TBC1D5: variants seen among roughly 807,000 people sequenced by gnomAD.
TBC1D5 encodes the protein TBC1 domain family member 5.
Under a neutral mutation model 100.3 loss-of-function variants are expected in TBC1D5, and 75 were observed. The observed-to-expected ratio is 0.75, with a 90% CI of 0.62 to 0.91. The LOEUF (loss-of-function observed/expected upper bound fraction) is 0.91, where lower values mean the gene tolerates loss of function less well. TBC1D5 is among the 40% of genes least tolerant of loss of function. The pLI is 0.00. For synonymous variants in TBC1D5, 323 were observed against 325.6 expected, an observed-to-expected ratio of 0.99 and a Z score of 0.09; for missense variants, 910 against 942.4, an observed-to-expected ratio of 0.97 and a Z score of 0.45.
chr3:17,604,134 G>GT (rs1485666530), intron 2 of TBC1D5, among the ~76,000 whole-genome samples: 7 of 151,600 alleles, frequency 4.6e-5, no homozygotes, highest in African/African-American at 7.3e-5. Flanking sequence ...GTTTTGTTTT[G>GT]TTTTTTGTAG....
chr3:17,214,327 ACT>A lies in TBC1D5; in HGVS notation c.1630_1631del (p.Ser544PhefsTer17), dbSNP rs749724122. The A allele has an allele frequency of 6.2e-7, 1 of 1,613,154 alleles. No individual in the cohort carries two copies. The highest frequency in any genetic ancestry group is 2.2e-5 in the East Asian group (1 of 44,794). Reference sequence around the variant, plus strand: ...CAGTGAATTCTCTTCCTCCAGGCAAACTCTCAACGCTTGGAGATGAACTGATG... The same window carrying A: ...CAGTGAATTCTCTTCCTCCAGGCAAACTCAACGCTTGGAGATGAACTGATG... On this transcript the variant is annotated frameshift_variant, in exon 18 of 22. Transcript: ENST00000253692. LOFTEE classifies it high-confidence loss of function.
chr3:17,613,356 G>A (rs1413450046), intron 2 of TBC1D5, among the ~76,000 whole-genome samples: 1 of 152,162 alleles, frequency 6.6e-6, no homozygotes, highest in African/African-American at 2.4e-5. Context: ...ACGTGTCTAT[G>A]TTTCTTTATA....
chr3:17,167,549 A>G (rs994990764), intron 20 of TBC1D5, among the ~76,000 whole-genome samples, 200 bp downstream of exon 21: 1 of 152,236 alleles, frequency 6.6e-6, no homozygotes, highest in African/African-American at 2.4e-5. Flanking sequence ...ATGGAAAACC[A>G]GCGTGGGTCG....
intron 3 of TBC1D5, among the ~76,000 whole-genome samples, chr3:17,439,989 G>A (rs1164050121): frequency 6.6e-6 from 1 of 152,108 alleles, no homozygotes; most frequent in East Asian, 1.9e-4. Context: ...AGATGTAATA[G>A]TTCTTCCAGC....
chr3:17,663,810 G>A (rs969758937), intron 1 of TBC1D5, among the ~76,000 whole-genome samples: 5 of 152,042 alleles, frequency 3.3e-5, no homozygotes, highest in Admixed American at 6.6e-5. Context: ...ATGGGAACTG[G>A]TTAAAAAATA....
exon 15 of TBC1D5, chr3:17,291,937 T>G (rs750247140): frequency 6.2e-7 from 1 of 1,613,826 alleles, no homozygotes; most frequent in African/African-American, 1.3e-5. Flanking sequence ...TCAGTGAGTG[T>G]ACATCCCCGA....
intron 4 of TBC1D5, among the ~76,000 whole-genome samples, chr3:17,419,399 A>G (rs955054410): frequency 1.3e-5 from 2 of 152,198 alleles, no homozygotes; most frequent in African/African-American, 4.8e-5. Context: ...TATGGTTCCC[A>G]AGGCCTGCAT....
intron 9 of TBC1D5, among the ~76,000 whole-genome samples, chr3:17,380,391 C>A (rs993277279): frequency 6.6e-6 from 1 of 151,536 alleles, no homozygotes; most frequent in Admixed American, 6.6e-5. Context: ...GTTTTGCTAT[C>A]AATTCTAGAC....
chr3:17,188,379 G>C (rs1559376044), intron 18 of TBC1D5, among the ~76,000 whole-genome samples: 1 of 152,140 alleles, frequency 6.6e-6, no homozygotes, highest in African/African-American at 2.4e-5. Context: ...AACAGAATCT[G>C]TTTGTCTCAA....
At chr3:17,458,318 T>G (rs1416368035) in intron 3 of TBC1D5, among the ~76,000 whole-genome samples, 2 of 152,182 alleles carry the variant, frequency 1.3e-5, no homozygotes, top group Non-Finnish European at 2.9e-5. Context: ...GAATGGTAAT[T>G]GTTGCAGCGC....
At chr3:17,407,898 TATTA>T (rs1277343535) in intron 4 of TBC1D5, among the ~76,000 whole-genome samples, 2 of 152,182 alleles carry the variant, frequency 1.3e-5, no homozygotes, top group African/African-American at 4.8e-5. Context: ...CTCATCACTC[TATTA>T]GTTTAAAAAA....
At chr3:17,369,755 T>G (rs553275659) in intron 13 of TBC1D5, among the ~76,000 whole-genome samples, 1 of 152,282 alleles carries the variant, frequency 6.6e-6, no homozygotes, top group South Asian at 2.1e-4. Context: ...ATTCAAGCAC[T>G]CTGGCCTTTC....
At chr3:17,612,577 C>G (rs1181063274) in intron 2 of TBC1D5, among the ~76,000 whole-genome samples, 3 of 151,880 alleles carry the variant, frequency 2.0e-5, no homozygotes, top group Non-Finnish European at 4.4e-5. Flanking sequence ...TAGCAGTGAG[C>G]CGAGATCGCA....
chr3:17,719,097 C>T lies in TBC1D5; in HGVS notation c.-101+20246G>A, dbSNP rs541377734. On this transcript the variant is annotated intron_variant, in intron 1 of 21. Coordinates refer to ENST00000253692, the Ensembl canonical transcript of TBC1D5. ...TTCCACCAAAGTTTTCATTGATCCTCTCAATACTGCAATAATTTATAGTTT... is the reference window on the plus strand; with the variant it reads ...TTCCACCAAAGTTTTCATTGATCCTTTCAATACTGCAATAATTTATAGTTT... 1.1e-4 allele frequency among the ~76,000 whole-genome samples: 17 copies of T among 152,200 alleles called. No homozygotes were observed. The East Asian group carries it at 2.9e-3, about 26-fold the overall frequency.
rs190100579 is a variant in TBC1D5, at chr3:17,610,690, T to C, written c.-36+13159A>G. On this transcript the variant is annotated intron_variant, in intron 2 of 21. Transcript: ENST00000253692. ...ATAAATACAGACATATAAATCATGA[T>C]GTTTCTTCTAGCAGAAAGTCGCTCC... 1.0e-3 allele frequency among the ~76,000 whole-genome samples: 154 copies of C among 152,320 alleles called. 2 individuals carry two copies. In the South Asian group the frequency reaches 0.018, roughly 18 times the overall value.
intron 2 of TBC1D5, among the ~76,000 whole-genome samples, chr3:17,565,313 C>T (rs576291168): frequency 6.6e-6 from 1 of 152,122 alleles, no homozygotes; most frequent in Non-Finnish European, 1.5e-5. Flanking sequence ...TAATTATGTT[C>T]GTTGAAAGCA....
At chr3:17,499,452 A>C (rs1292925397) in intron 3 of TBC1D5, among the ~76,000 whole-genome samples, 1 of 135,292 alleles carries the variant, frequency 7.4e-6, no homozygotes, top group Non-Finnish European at 1.5e-5. Flanking sequence ...TCACACCTGT[A>C]ATCTCAGCAC....
chr3:17,522,131 CTTAAAATA>C (rs1362511597), intron 2 of TBC1D5, among the ~76,000 whole-genome samples: 1 of 151,884 alleles, frequency 6.6e-6, no homozygotes, highest in African/African-American at 2.4e-5. Flanking sequence ...ATGATAGTCA[CTTAAAATA>C]TTAAAATATT....
chr3:17,236,323 C>G (rs1413345020), intron 17 of TBC1D5, among the ~76,000 whole-genome samples: 1 of 152,076 alleles, frequency 6.6e-6, no homozygotes, highest in East Asian at 1.9e-4. Context: ...AACAATAAAA[C>G]AGTACAATTA....
Sources: gnomAD v4.1 joint callset for allele counts (sites outside exome capture counted in the v4.1 genomes callset) on GRCh38, gnomAD v4.1.1 for gene constraint, MANE v1.5 for transcripts, NCBI Gene and HGNC (gene_info 2026-07-23, HGNC 2026-07-21) for gene names.